Variants in HYCC2 observed in about 807,000 individuals in gnomAD.
The protein encoded by HYCC2 is hyccin PI4KA lipid kinase complex subunit 2, also known as hyccin 2.
the HYCC2 span, among the ~76,000 whole-genome samples, chr2:201,025,487 A>G: frequency 6.9e-3 from 1,055 of 151,976 alleles, 8 homozygotes; most frequent in African/African-American, 0.024. Context: ...AAGGAGAGAA[A>G]GAAAGACACA....
the HYCC2 span, among the ~76,000 whole-genome samples, chr2:201,062,931 T>C: frequency 6.6e-6 from 1 of 151,090 alleles, no homozygotes; most frequent in Admixed American, 6.6e-5. Context: ...ACTGAGAGGT[T>C]AGAGGCCTGA....
chr2:200,992,900 C>T, the HYCC2 span: 1 of 1,598,778 alleles, frequency 6.3e-7, no homozygotes, highest in Admixed American at 1.7e-5. Flanking sequence ...GCATAATAAA[C>T]CCCTGTGAGA....
the HYCC2 span, chr2:200,981,795 G>A: frequency 2.7e-5 from 43 of 1,614,056 alleles, no homozygotes; most frequent in East Asian, 8.7e-4. The surrounding 1 kb of genome is among the most constrained non-coding windows in gnomAD (Gnocchi z 4.5). Context: ...GACTGCTGAG[G>A]GAAGCCCCTG....
the HYCC2 span, among the ~76,000 whole-genome samples, chr2:201,049,173 T>C: frequency 1.5e-4 from 23 of 150,418 alleles, no homozygotes; most frequent in Non-Finnish European, 3.1e-4. Context: ...TTTGCAGAAT[T>C]AAAAGGAGAA....
chr2:200,991,329 G>A, the HYCC2 span, among the ~76,000 whole-genome samples: 1 of 152,046 alleles, frequency 6.6e-6, no homozygotes, highest in African/African-American at 2.4e-5. Context: ...AATTCGCTTG[G>A]GAGGCCGAGG....
the HYCC2 span, among the ~76,000 whole-genome samples, chr2:201,002,083 C>G: frequency 6.6e-6 from 1 of 151,000 alleles, no homozygotes; most frequent in East Asian, 1.9e-4. Flanking sequence ...GTCAATTCCT[C>G]AATATTCAAA....
chr2:200,982,718 AC>A, the HYCC2 span, among the ~76,000 whole-genome samples: 1 of 152,202 alleles, frequency 6.6e-6, no homozygotes, highest in Non-Finnish European at 1.5e-5. Flanking sequence ...GTGTCCCATC[AC>A]ATTTCATTTC....
chr2:200,996,732 A>G, the HYCC2 span: 1 of 152,232 alleles, frequency 6.6e-6, no homozygotes, highest in Non-Finnish European at 1.5e-5. Flanking sequence ...CATTGGTACT[A>G]TTGCTAATCA....
chr2:201,024,467 C>T, the HYCC2 span, among the ~76,000 whole-genome samples: 1,334 of 151,966 alleles, frequency 8.8e-3, 16 homozygotes, highest in African/African-American at 0.03. Flanking sequence ...CTGGCCTGGG[C>T]GACAGAGCCA....
chr2:201,034,771 T>C, the HYCC2 span, among the ~76,000 whole-genome samples: 1 of 152,244 alleles, frequency 6.6e-6, no homozygotes, highest in African/African-American at 2.4e-5. Context: ...TGTTTACTGC[T>C]TCCTTCAGGA....
chr2:201,047,138 G>A, the HYCC2 span, among the ~76,000 whole-genome samples: 3 of 152,102 alleles, frequency 2.0e-5, no homozygotes, highest in African/African-American at 4.8e-5. Flanking sequence ...CTCTAGAACC[G>A]AAAAATACAA....
chr2:201,062,073 C>T, the HYCC2 span, among the ~76,000 whole-genome samples: 1 of 151,898 alleles, frequency 6.6e-6, no homozygotes, highest in East Asian at 1.9e-4. Flanking sequence ...CAACTGCACT[C>T]CAGTCTGAGC....
chr2:201,003,957 G>A, the HYCC2 span, among the ~76,000 whole-genome samples: 2 of 151,672 alleles, frequency 1.3e-5, no homozygotes, highest in East Asian at 3.9e-4. Context: ...AGGATTACAG[G>A]TGCCCACCAT....
chr2:201,008,616 C>G, the HYCC2 span, among the ~76,000 whole-genome samples: 1 of 145,144 alleles, frequency 6.9e-6, no homozygotes, highest in Non-Finnish European at 1.5e-5. Flanking sequence ...ATAAATGGGC[C>G]AGGTGCAGTG....
the HYCC2 span, among the ~76,000 whole-genome samples, chr2:201,064,881 T>G: frequency 6.6e-6 from 1 of 152,332 alleles, no homozygotes; most frequent in Middle Eastern, 3.4e-3. Context: ...CATGTACCCT[T>G]TGCCCATTTT....
the HYCC2 span, chr2:200,978,053 G>GA: frequency 6.6e-6 from 1 of 152,042 alleles, no homozygotes; most frequent in Admixed American, 6.5e-5. Flanking sequence ...TAGATGATTA[G>GA]ACTTTTATGG....
At chr2:201,066,425 G>A in the HYCC2 span, among the ~76,000 whole-genome samples, 3 of 152,132 alleles carry the variant, frequency 2.0e-5, no homozygotes, top group East Asian at 3.8e-4. Context: ...AGAAAGGACA[G>A]TAGTATACTC....
the HYCC2 span, among the ~76,000 whole-genome samples, chr2:201,062,933 G>A: frequency 1.3e-5 from 2 of 150,998 alleles, no homozygotes; most frequent in Non-Finnish European, 2.9e-5. Context: ...TGAGAGGTTA[G>A]AGGCCTGAAC....
chr2:201,049,660 G>T, the HYCC2 span, among the ~76,000 whole-genome samples: 2 of 151,124 alleles, frequency 1.3e-5, no homozygotes. Context: ...GCAAAAATTT[G>T]AATTCTTTTC....
Sources: allele counts gnomAD v4.1 joint callset (sites outside exome capture counted in the v4.1 genomes callset), GRCh38; gene constraint gnomAD v4.1.1; non-coding constraint Gnocchi (gnomAD v3.1); transcripts MANE v1.5; gene names NCBI Gene and HGNC (gene_info 2026-07-23, HGNC 2026-07-21).